Variants in CSMD3 observed in about 807,000 individuals in gnomAD.
CSMD3 encodes CUB and sushi domain-containing protein 3.
Under a neutral mutation model 435.2 loss-of-function variants are expected in CSMD3, and 177 were observed. The ratio of observed to expected loss-of-function variants is 0.41; its 90% CI spans 0.36 to 0.46. The LOEUF (loss-of-function observed/expected upper bound fraction) is 0.46. CSMD3 is among the 20% of genes least tolerant of loss of function. CSMD3 has a pLI of 0.34. For missense variants in CSMD3, 4,265 were observed against 4,504.6 expected (o/e 0.95, Z 1.52); for synonymous variants, 1,656 against 1,520.5 (o/e 1.09, Z -2.07).
chr8:112,354,458 T>C (rs1439542128), intron 38 of CSMD3, among the ~76,000 whole-genome samples: 1 of 152,150 alleles, frequency 6.6e-6, no homozygotes, highest in Non-Finnish European at 1.5e-5. Flanking sequence ...CCATAAAGAA[T>C]CTGCCAAAAG....
intron 13 of CSMD3, among the ~76,000 whole-genome samples, chr8:112,775,976 T>A (rs534822025): frequency 1.3e-5 from 2 of 151,848 alleles, no homozygotes; most frequent in Non-Finnish European, 2.9e-5. Context: ...GACAGCACAT[T>A]TACAACTTCT....
chr8:112,806,790 T>C (rs1275480958), intron 12 of CSMD3, among the ~76,000 whole-genome samples: 4 of 152,176 alleles, frequency 2.6e-5, no homozygotes, highest in South Asian at 4.1e-4. Flanking sequence ...CCTATACCAC[T>C]ACTTCACTGA....
chr8:112,888,570 T>C (rs192933705), intron 10 of CSMD3, among the ~76,000 whole-genome samples: 111 of 151,836 alleles, frequency 7.3e-4, no homozygotes, highest in African/African-American at 2.6e-3. Flanking sequence ...GCTACCACTC[T>C]GAGTAATTTT....
chr8:112,259,586 T>A (rs1816188025), intron 61 of CSMD3, among the ~76,000 whole-genome samples: 1 of 152,078 alleles, frequency 6.6e-6, no homozygotes. Flanking sequence ...ACTTAAAGTA[T>A]AATAATAAAT....
chr8:112,950,778 C>T (rs190798882), intron 8 of CSMD3, among the ~76,000 whole-genome samples: 43 of 152,064 alleles, frequency 2.8e-4, no homozygotes, highest in African/African-American at 9.9e-4. Context: ...AGAAATTCTA[C>T]TATTAACCCG....
In CSMD3 at chr8:113,338,382, G is replaced by T. The variant is rs561613331; in HGVS notation, c.179-23589C>A. Among the ~76,000 whole-genome samples the T allele has an allele frequency of 2.6e-5, 4 of 151,930 alleles. No homozygotes were observed. The South Asian group carries it at 8.3e-4, about 32-fold the overall frequency. On this transcript the variant is annotated intron_variant, in intron 1 of 70. Coordinates refer to ENST00000297405, the MANE Select transcript of CSMD3 (RefSeq NM_198123.2). ...CATCTGACCCAGAAATTCCATTCCT[G>T]GGCATATACTCATGAGAAATAAAAC... is the stretch of plus-strand genomic sequence containing the variant.
chr8:112,827,002 T>A (rs2079701576), intron 12 of CSMD3, among the ~76,000 whole-genome samples: 1 of 151,486 alleles, frequency 6.6e-6, no homozygotes, highest in Non-Finnish European at 1.5e-5. Flanking sequence ...TGAAATAGGG[T>A]GAAAAATATG....
intron 23 of CSMD3, among the ~76,000 whole-genome samples, 163 bp downstream of exon 23, chr8:112,586,903 G>A (rs1830774508): frequency 6.6e-6 from 1 of 151,246 alleles, no homozygotes; most frequent in African/African-American, 2.4e-5. Context: ...AACAATAATA[G>A]AAAATGAGAA....
At chr8:112,523,273 T>C (rs2131024746) in intron 27 of CSMD3, among the ~76,000 whole-genome samples, 1 of 152,094 alleles carries the variant, frequency 6.6e-6, no homozygotes, top group African/African-American at 2.4e-5. Flanking sequence ...CTGCCTTATC[T>C]GTAAAACTGG....
chr8:112,349,716 T>C (rs1825974446), intron 40 of CSMD3, among the ~76,000 whole-genome samples: 1 of 151,354 alleles, frequency 6.6e-6, no homozygotes, highest in African/African-American at 2.4e-5. Flanking sequence ...AAATTAATCA[T>C]AGTACCTTAA....
rs769653123 is a variant in CSMD3, at chr8:112,517,085, T to A, written c.4705A>T (p.Ile1569Phe). ...CAGAAGTACCGATTTTCTACCTGAA[T>A]GCAGGTTATTCTTTCCTCTCCTTGA... Reference protein sequence around the residue: ...ELQGEERITCIQVENRYFWQP... With the variant: ...ELQGEERITCFQVENRYFWQP... The change falls in exon 28 of 71, where the codon ATT becomes TTT. Residue 1569 changes from isoleucine (I) to phenylalanine (F), a missense_variant. Coordinates refer to ENST00000297405, the MANE Select transcript of CSMD3 (RefSeq NM_198123.2). 36 of 1,613,840 alleles carry A rather than the reference T, an allele frequency of 2.2e-5. No homozygotes were observed. Among genetic ancestry groups the A allele is most frequent in the Non-Finnish European group, 5.1e-6 (6 of 1,179,930 alleles).
intron 2 of CSMD3, among the ~76,000 whole-genome samples, chr8:113,286,081 T>A (rs1284682173): frequency 6.6e-6 from 1 of 152,114 alleles, no homozygotes; most frequent in African/African-American, 2.4e-5. Flanking sequence ...TCTCTATTCT[T>A]ATTTGTCCCT....
At chr8:112,250,687 T>A (rs574313248) in intron 63 of CSMD3, among the ~76,000 whole-genome samples, 13 of 151,788 alleles carry the variant, frequency 8.6e-5, no homozygotes, top group Non-Finnish European at 1.3e-4. Flanking sequence ...TATGTACAAT[T>A]TTTTCACCAA....
intron 5 of CSMD3, among the ~76,000 whole-genome samples, chr8:113,079,881 G>C (rs2089487289): frequency 6.6e-6 from 1 of 152,120 alleles, no homozygotes; most frequent in South Asian, 2.1e-4. Flanking sequence ...AGTCATATAA[G>C]CAAGATGTTA....
chr8:112,317,589 G>A (rs917462212), intron 47 of CSMD3, among the ~76,000 whole-genome samples: 3 of 152,008 alleles, frequency 2.0e-5, no homozygotes, highest in African/African-American at 7.2e-5. Context: ...AAAGCTGAAT[G>A]AATGACATCT....
At chr8:112,246,844 T>C (rs138000734) in intron 64 of CSMD3, among the ~76,000 whole-genome samples, 176 bp downstream of exon 64, 4 of 152,280 alleles carry the variant, frequency 2.6e-5, no homozygotes, top group African/African-American at 7.2e-5. Flanking sequence ...TAGAGAGTGC[T>C]TCCCAATGGC....
At chr8:112,241,851 C>CACAT in intron 65 of CSMD3, 66 bp from the exon 66 acceptor site, 1 of 842,630 alleles carries the variant, frequency 1.2e-6, no homozygotes, top group South Asian at 1.3e-5. Context: ...TGCGCACACA[C>CACAT]ACACACGCAC....
intron 4 of CSMD3, among the ~76,000 whole-genome samples, chr8:113,102,791 G>T (rs977660264): frequency 6.6e-6 from 1 of 152,104 alleles, no homozygotes. Flanking sequence ...CAATTGGAAG[G>T]GCAACTAAGG....
At chr8:113,297,498 C>G (rs2093731427) in intron 2 of CSMD3, among the ~76,000 whole-genome samples, 1 of 149,764 alleles carries the variant, frequency 6.7e-6, no homozygotes, top group Non-Finnish European at 1.5e-5. Flanking sequence ...ATAAATTACT[C>G]CAATTAATCA....
Sources: allele counts gnomAD v4.1 joint callset (sites outside exome capture counted in the v4.1 genomes callset), GRCh38; gene constraint gnomAD v4.1.1; transcripts MANE v1.5; gene names NCBI Gene and HGNC (gene_info 2026-07-23, HGNC 2026-07-21).